The following ZNF682 variants were observed in gnomAD, a reference collection of about 807,000 sequenced individuals.
The protein encoded by ZNF682 is zinc finger protein 682.
ZNF682 carries 29 observed loss-of-function variants against 36.5 expected under a neutral mutation model. The observed-to-expected ratio is 0.80, with a 90% CI of 0.59 to 1.08. ZNF682 has a LOEUF of 1.08. Among genes scored for constraint, ZNF682 ranks in the 50% least tolerant of loss-of-function variants. ZNF682 has a pLI of 0.00. For synonymous variants in ZNF682, 180 were observed against 197.0 expected, an observed-to-expected ratio of 0.91 and a Z score of 0.72; for missense variants, 561 against 579.7, an observed-to-expected ratio of 0.97 and a Z score of 0.33.
rs185261997 is a variant in ZNF682 at position 20,017,180 on chromosome 19, C to T, written c.226+5824G>A. 1.2e-3 allele frequency among the ~76,000 whole-genome samples: 176 copies of T among 152,180 alleles called. 2 individuals carry two copies. The highest frequency in any genetic ancestry group is 4.1e-3 in the African/African-American group (170 of 41,518). ...AAACGTATTTATGACAAGCACAGAA[C>T]GTAATCGAAAACAAAACGCAACTAG... On this transcript the variant is annotated intron_variant, in intron 3 of 3. Transcript: ENST00000397165.
chr19:20,022,492 A>G (rs982952650), intron 3 of ZNF682, among the ~76,000 whole-genome samples: 8 of 151,872 alleles, frequency 5.3e-5, no homozygotes, highest in African/African-American at 1.9e-4. Context: ...ACTTGGAGAA[A>G]CCCCATCTCT....
At chr19:19,997,045 A>G, downstream of ZNF682, 1 of 391,426 alleles carries the variant, frequency 2.6e-6, no homozygotes, top group Non-Finnish European at 4.5e-6. Flanking sequence ...GAAGAGGCAG[A>G]CAGAAACCAG....
chr19:20,025,416 G>A (rs1034545176), intron 1 of ZNF682, among the ~76,000 whole-genome samples: 14 of 152,168 alleles, frequency 9.2e-5, no homozygotes, highest in Non-Finnish European at 1.5e-4. Flanking sequence ...GGTGGCTCAC[G>A]CCTGTAATCC....
At chr19:20,013,202 T>C (rs1339808917) in intron 3 of ZNF682, among the ~76,000 whole-genome samples, 2 of 152,058 alleles carry the variant, frequency 1.3e-5, no homozygotes, top group Non-Finnish European at 2.9e-5. Flanking sequence ...TCAAACCCTG[T>C]TATAAAATAT....
At chr19:20,024,962 A>C (rs2122366892) in intron 1 of ZNF682, among the ~76,000 whole-genome samples, 1 of 152,396 alleles carries the variant, frequency 6.6e-6, no homozygotes, top group East Asian at 1.9e-4. Context: ...AATATTATTC[A>C]TACAGAGAAG....
chr19:20,003,128 T>A (rs1001440205), downstream of ZNF682, among the ~76,000 whole-genome samples: 5 of 125,812 alleles, frequency 4.0e-5, no homozygotes, highest in Non-Finnish European at 7.9e-5. Flanking sequence ...GAGGCGGAGC[T>A]TGCAGTGAGC....
intron 3 of ZNF682, chr19:20,015,723 A>G (rs2088329140): frequency 2.5e-6 from 1 of 395,884 alleles, no homozygotes; most frequent in Non-Finnish European, 4.5e-6. Flanking sequence ...CCCCATTATA[A>G]TTATTCATAA....
intron 3 of ZNF682, among the ~76,000 whole-genome samples, chr19:20,010,424 C>A (rs1397735395): frequency 6.6e-6 from 1 of 152,190 alleles, no homozygotes; most frequent in Admixed American, 6.5e-5. Context: ...CTTTGGGAGG[C>A]TGAGGCAGGT....
intron 1 of ZNF682, among the ~76,000 whole-genome samples, chr19:20,026,998 TA>T (rs1214750309): frequency 6.6e-6 from 1 of 152,034 alleles, no homozygotes; most frequent in Non-Finnish European, 1.5e-5. Flanking sequence ...AGTAGAGAAG[TA>T]AAAGTTTGTA....
At chr19:20,018,743 A>G (rs1335654640) in intron 3 of ZNF682, among the ~76,000 whole-genome samples, 1 of 152,234 alleles carries the variant, frequency 6.6e-6, no homozygotes, top group East Asian at 1.9e-4. Context: ...TGGATTAAAT[A>G]CTTGAACATA....
At chr19:20,018,056 AT>A (rs2088350134) in intron 3 of ZNF682, among the ~76,000 whole-genome samples, 1 of 146,778 alleles carries the variant, frequency 6.8e-6, no homozygotes, top group South Asian at 2.2e-4. Context: ...TTTTGCAGAA[AT>A]ATAGTTAAGA....
chr19:20,016,290 G>C (rs2088333970), intron 3 of ZNF682, among the ~76,000 whole-genome samples: 1 of 152,144 alleles, frequency 6.6e-6, no homozygotes, highest in Admixed American at 6.6e-5. Context: ...AGGGCATAGA[G>C]AGAAGACAGG....
chr19:20,019,320 G>A (rs1339745566), intron 3 of ZNF682, among the ~76,000 whole-genome samples: 1 of 152,096 alleles, frequency 6.6e-6, no homozygotes, highest in East Asian at 1.9e-4. Flanking sequence ...TGCAACTACT[G>A]TAAAAAACAT....
chr19:20,027,539 C>A (rs924216280), intron 1 of ZNF682, among the ~76,000 whole-genome samples: 87 of 152,316 alleles, frequency 5.7e-4, no homozygotes, highest in African/African-American at 2.0e-3. Context: ...GCAGGCAGAT[C>A]ATCTGAGATC....
intron 1 of ZNF682, among the ~76,000 whole-genome samples, chr19:20,025,853 C>T (rs1178073901): frequency 1.3e-5 from 2 of 152,112 alleles, no homozygotes; most frequent in African/African-American, 4.8e-5. Context: ...GTTCAAGCTA[C>T]AGATATCTCC....
intron 1 of ZNF682, among the ~76,000 whole-genome samples, chr19:20,033,213 C>T (rs1489942248): frequency 2.0e-5 from 3 of 151,864 alleles, no homozygotes; most frequent in South Asian, 4.2e-4. Context: ...GTGGAGGTTG[C>T]GGTGAGCCGA....
chr19:20,003,190 CAAAAAAAAAAAAAAAAAA>C (rs755953644), downstream of ZNF682, among the ~76,000 whole-genome samples: 2 of 33,074 alleles, frequency 6.0e-5, no homozygotes, highest in Non-Finnish European at 9.2e-5. Context: ...GACTCCGTCT[CAAAAAAAAAAAAAAAAAA>C]AAAAAAAAAA....
chr19:20,012,948 T>A (rs1469171174), intron 3 of ZNF682, among the ~76,000 whole-genome samples: 3 of 151,770 alleles, frequency 2.0e-5, no homozygotes, highest in African/African-American at 7.3e-5. Flanking sequence ...AACAATAAAA[T>A]GGCAATAGTA....
Position 20,023,044 on chromosome 19 carries a change from G to C in ZNF682, c.186C>G (p.Pro62=), listed in dbSNP as rs1298239688. ...TGGTCTCATGTCTCTTCACATTCCA[G>C]GGCTCCTGTCTTTGCTCCAGACGGC... The part of the protein sequence containing the change: ...LISRLEQRQE[P]WNVKRHETIA... Residue 62 remains proline (P), a synonymous_variant, in exon 3 of 4, where the codon CCC becomes CCG. Coordinates refer to ENST00000397165, the MANE Select transcript of ZNF682 (RefSeq NM_033196.3). 6.2e-7 allele frequency: 1 copy of C among 1,613,842 alleles called. No homozygotes were observed. Among genetic ancestry groups the C allele is most frequent in the Non-Finnish European group, 8.5e-7 (1 of 1,179,936 alleles).
Sources: allele counts gnomAD v4.1 joint callset (sites outside exome capture counted in the v4.1 genomes callset), GRCh38; gene constraint gnomAD v4.1.1; transcripts MANE v1.5; gene names NCBI Gene and HGNC (gene_info 2026-07-23, HGNC 2026-07-21).